Variants in KANSL1L observed in about 807,000 individuals in gnomAD.
KANSL1L encodes the protein KAT8 regulatory NSL complex subunit 1 like, also known as KAT8 regulatory NSL complex subunit 1-like protein.
A neutral mutation model predicts 108.6 loss-of-function variants in KANSL1L; 25 were observed. The observed-to-expected ratio is 0.23, with a 90% CI of 0.17 to 0.32. The LOEUF is 0.32. KANSL1L is among the 10% of genes least tolerant of loss of function. The pLI, the probability that KANSL1L is intolerant of heterozygous loss-of-function variation, is 1.00. For missense variants in KANSL1L, 1,137 were observed against 1,125.7 expected (o/e 1.01, Z -0.14); for synonymous variants, 405 against 395.1 (o/e 1.03, Z -0.30).
chr2:210,097,297 C>G lies in KANSL1L; in HGVS notation c.1550+789G>C, dbSNP rs531136568. 440 of 812,448 alleles carry G rather than the reference C, an allele frequency of 5.4e-4. 4 individuals carry two copies. In the African/African-American group the frequency reaches 7.8e-3, roughly 14 times the overall value. The allele number at this position is 812,448 out of a possible 1,614,324, so 50.3% of individuals were successfully genotyped here. On this transcript the variant is annotated intron_variant, in intron 5 of 14. Coordinates refer to ENST00000281772, the MANE Select transcript of KANSL1L (RefSeq NM_152519.4). Reference sequence around the variant, plus strand: ...CCATGCTATAAATTTTCATTTTATGCTATATTAGAAAGTTATTAAAATAAT... The same window carrying G: ...CCATGCTATAAATTTTCATTTTATGGTATATTAGAAAGTTATTAAAATAAT...
Position 210,043,745 on chromosome 2 carries a change from C to A in KANSL1L, c.1921+194G>T, listed in dbSNP as rs1418291309. 1.0e-5 allele frequency: 4 copies of A among 398,682 alleles called. No homozygotes were observed. The South Asian group carries it at 3.8e-4, about 38-fold the overall frequency. 24.7% of individuals were successfully genotyped at this position (398,682 alleles called of 1,614,324 possible). A position where few individuals can be genotyped will look rare whatever the true frequency, so the allele number is the denominator to read the frequency against. ...GAAGGAATTAAAGAATCAACTTACACAGATAGAACATTAACCGTGCATGTG... is the reference window on the plus strand; with the variant it reads ...GAAGGAATTAAAGAATCAACTTACAAAGATAGAACATTAACCGTGCATGTG... On this transcript the variant is annotated intron_variant, in intron 7 of 14. Transcript: ENST00000281772.
At chr2:210,155,606 C>T (rs2095328846) in intron 1 of KANSL1L, among the ~76,000 whole-genome samples, 1 of 152,162 alleles carries the variant, frequency 6.6e-6, no homozygotes, top group South Asian at 2.1e-4. Context: ...GAGACAGTGT[C>T]AGATAACCGC....
intron 1 of KANSL1L, among the ~76,000 whole-genome samples, chr2:210,156,781 G>C (rs985627163): frequency 6.6e-6 from 1 of 151,892 alleles, no homozygotes; most frequent in Non-Finnish European, 1.5e-5. Flanking sequence ...ATTACTTGAG[G>C]GGAAAAGACT....
chr2:210,162,101 A>G (rs561901226), intron 1 of KANSL1L, among the ~76,000 whole-genome samples: 2 of 148,360 alleles, frequency 1.3e-5, no homozygotes, highest in Admixed American at 1.3e-4. Flanking sequence ...ACACACACAC[A>G]TATATTTTTA....
chr2:210,162,222 GTATATA>G (rs71043976), intron 1 of KANSL1L, among the ~76,000 whole-genome samples: 8 of 107,496 alleles, frequency 7.4e-5, no homozygotes, highest in South Asian at 7.0e-4. Context: ...AGTGGTTCAG[GTATATA>G]TATATATATA....
intron 2 of KANSL1L, among the ~76,000 whole-genome samples, chr2:210,129,866 A>C (rs1365068133): frequency 6.6e-6 from 1 of 152,054 alleles, no homozygotes; most frequent in Admixed American, 6.6e-5. Flanking sequence ...TTTAAAAATA[A>C]GGGTTGATTC....
intron 5 of KANSL1L, among the ~76,000 whole-genome samples, chr2:210,095,767 T>C (rs2094730242): frequency 6.6e-6 from 1 of 152,178 alleles, no homozygotes; most frequent in Admixed American, 6.5e-5. Context: ...TCAACTGTTC[T>C]AAATTTGATC....
intron 2 of KANSL1L, among the ~76,000 whole-genome samples, chr2:210,146,259 A>G (rs150221770): frequency 2.9e-4 from 44 of 152,196 alleles, no homozygotes; most frequent in African/African-American, 1.1e-3. Flanking sequence ...CTATGTTGCT[A>G]CAAATTCATA....
chr2:210,150,763 CAA>C (rs1339521902), intron 2 of KANSL1L, among the ~76,000 whole-genome samples: 1 of 125,048 alleles, frequency 8.0e-6, no homozygotes, highest in Non-Finnish European at 1.7e-5. Context: ...GCGTGGGCAA[CAA>C]GAGCAAAACT....
At chr2:210,074,149 T>C (rs1292082477) in intron 6 of KANSL1L, among the ~76,000 whole-genome samples, 1 of 152,138 alleles carries the variant, frequency 6.6e-6, no homozygotes, top group Non-Finnish European at 1.5e-5. Flanking sequence ...AAATAATTAT[T>C]GGGGTGACAA....
At chr2:210,029,096 TCTGA>T in intron 10 of KANSL1L, 127 bp from the exon 11 acceptor site, 1 of 795,308 alleles carries the variant, frequency 1.3e-6, no homozygotes, top group African/African-American at 1.8e-5. Context: ...TGTTATAAAG[TCTGA>T]CTAAAAAATG....
intron 5 of KANSL1L, among the ~76,000 whole-genome samples, chr2:210,087,301 G>A (rs1473346995): frequency 2.0e-5 from 3 of 152,102 alleles, no homozygotes; most frequent in East Asian, 1.9e-4. Flanking sequence ...TAACAGGCAT[G>A]AGCCATCATG....
chr2:210,062,648 C>T (rs914435239), intron 6 of KANSL1L, among the ~76,000 whole-genome samples: 5 of 152,120 alleles, frequency 3.3e-5, no homozygotes, highest in African/African-American at 9.7e-5. Context: ...GCAAAGGTGA[C>T]TCATTATGTT....
At chr2:210,040,292 G>A in intron 8 of KANSL1L, 128 bp downstream of exon 8, 1 of 642,234 alleles carries the variant, frequency 1.6e-6, no homozygotes, top group Non-Finnish European at 2.8e-6. Context: ...GTTGTAAAAA[G>A]TGAGTATTAA....
intron 4 of KANSL1L, 77 bp from the exon 5 acceptor site, chr2:210,098,284 A>T: frequency 1.5e-6 from 2 of 1,325,952 alleles, no homozygotes; most frequent in Non-Finnish European, 2.1e-6. Context: ...AGTGCCAATT[A>T]ATCCTTAACT....
At chr2:210,029,088 TTATAAAGTCTG>T in intron 10 of KANSL1L, 119 bp from the exon 11 acceptor site, 1 of 840,674 alleles carries the variant, frequency 1.2e-6, no homozygotes, top group East Asian at 2.9e-5. Flanking sequence ...AAATACATTG[TTATAAAGTCTG>T]ACTAAAAAAT....
intron 5 of KANSL1L, chr2:210,097,200 T>G (rs2125404410): frequency 1.1e-6 from 1 of 941,592 alleles, no homozygotes; most frequent in East Asian, 1.2e-4. Flanking sequence ...CCACCTCAGC[T>G]TTTTATTTTA....
At position 210,047,996 on chromosome 2, in the gene KANSL1L, G is replaced by A. The variant is rs1482193352; in HGVS notation, c.1756-3892C>T. ...GATTTATTTTATAGAATTATCCCCA[G>A]TCATCCAGACCTCTAATCTTAAGAG... On this transcript the variant is annotated intron_variant, in intron 6 of 14. Transcript: ENST00000281772. Among the ~76,000 whole-genome samples the A allele has an allele frequency of 7.2e-5, 11 of 152,124 alleles. No individual in the cohort carries two copies. The South Asian group carries it at 2.3e-3, about 32-fold the overall frequency.
chr2:210,072,494 A>G, intron 6 of KANSL1L, among the ~76,000 whole-genome samples: 1 of 152,228 alleles, frequency 6.6e-6, no homozygotes, highest in African/African-American at 2.4e-5. Flanking sequence ...GACCAGTTTC[A>G]TGTAAAGCAA....
Sources: gnomAD v4.1 joint callset for allele counts (sites outside exome capture counted in the v4.1 genomes callset) on GRCh38, gnomAD v4.1.1 for gene constraint, MANE v1.5 for transcripts, NCBI Gene and HGNC (gene_info 2026-07-23, HGNC 2026-07-21) for gene names.